SNCAIP: variants seen among roughly 807,000 people sequenced by gnomAD.
The protein encoded by SNCAIP is synuclein alpha interacting protein.
Under a neutral mutation model 86.7 loss-of-function variants are expected in SNCAIP, and 43 were observed. That is an observed-to-expected ratio of 0.50 (90% confidence interval 0.39 to 0.64). The LOEUF (loss-of-function observed/expected upper bound fraction) is 0.64, where lower values mean the gene tolerates loss of function less well. SNCAIP is among the 30% of genes least tolerant of loss of function. SNCAIP has a pLI of 0.00. For synonymous variants in SNCAIP, 417 were observed against 427.2 expected, an observed-to-expected ratio of 0.98 and a Z score of 0.29; for missense variants, 981 against 1,103.1, an observed-to-expected ratio of 0.89 and a Z score of 1.57.
At position 122,448,573 on chromosome 5, in the gene SNCAIP, TTCCA is replaced by T. The variant is rs555334099; in HGVS notation, c.1593-1270_1593-1267del. Among the ~76,000 whole-genome samples the T allele has an allele frequency of 7.4e-3, 1,066 of 144,064 alleles. 14 individuals carry two copies. The highest frequency in any genetic ancestry group is 0.026 in the African/African-American group (1,026 of 39,438). 94.5% of individuals were successfully genotyped at this position (144,064 alleles called of 152,430 possible). A position where few individuals can be genotyped will look rare whatever the true frequency, so the allele number is the denominator to read the frequency against. The stretch of plus-strand genomic sequence containing the variant: ...CCATATTTTTTATATATATATATCC[TTCCA>T]TATTTTATATATATTTTTATATATA... On this transcript the variant is annotated intron_variant, in intron 8 of 10. Transcript: ENST00000261368.
At chr5:122,411,693 T>G (rs974421393) in intron 3 of SNCAIP, among the ~76,000 whole-genome samples, 2 of 152,100 alleles carry the variant, frequency 1.3e-5, no homozygotes, top group Non-Finnish European at 2.9e-5. Context: ...CCCTTGCATC[T>G]CACCGTATGA....
chr5:122,444,632 G>A lies in SNCAIP; in HGVS notation c.1492G>A (p.Glu498Lys), dbSNP rs773517325. The change falls in exon 8 of 11, where the codon GAG (glutamate) becomes AAG (lysine). Residue 498 changes from glutamate (E) to lysine (K), a missense_variant. Physicochemically the swap from Glu to Lys is moderately conservative, Grantham distance 56 (BLOSUM62 1). Coordinates refer to ENST00000261368, the MANE Select transcript of SNCAIP (RefSeq NM_005460.4). ...HAGEKPSQSAERQGHTLCSRY... is the reference protein window; with the variant it reads ...HAGEKPSQSAKRQGHTLCSRY... Reference sequence around the variant, plus strand: ...TGGGGAAAAGCCCTCCCAGAGCGCCGAGCGGCAGGGGCACACCCTGTGCTC... The same window carrying A: ...TGGGGAAAAGCCCTCCCAGAGCGCCAAGCGGCAGGGGCACACCCTGTGCTC... 18 of 1,613,946 alleles carry A rather than the reference G, an allele frequency of 1.1e-5. No individual in the cohort carries two copies. The highest frequency in any genetic ancestry group is 3.3e-5 in the South Asian group (3 of 91,086).
chr5:122,428,208 C>G (rs538602943), intron 5 of SNCAIP, among the ~76,000 whole-genome samples: 1 of 152,090 alleles, frequency 6.6e-6, no homozygotes, highest in African/African-American at 2.4e-5. Flanking sequence ...CTGGATATAA[C>G]GTGACTTCAA....
intron 1 of SNCAIP, among the ~76,000 whole-genome samples, chr5:122,364,806 C>T (rs763921913): frequency 6.6e-6 from 1 of 152,094 alleles, no homozygotes; most frequent in Non-Finnish European, 1.5e-5. Flanking sequence ...CTTCTCCCCA[C>T]CTATGCCATT....
At chr5:122,380,117 A>G (rs1400497185) in intron 1 of SNCAIP, among the ~76,000 whole-genome samples, 5 of 152,098 alleles carry the variant, frequency 3.3e-5, no homozygotes, top group African/African-American at 1.2e-4. Context: ...AAGGAATGGT[A>G]CCAGCGCCTC....
intron 3 of SNCAIP, among the ~76,000 whole-genome samples, chr5:122,407,339 G>T (rs574566558): frequency 3.9e-5 from 6 of 152,324 alleles, no homozygotes; most frequent in African/African-American, 7.2e-5. Context: ...AATGAGCTTA[G>T]CAAGTATGAG....
At chr5:122,358,834 G>A (rs1317402082) in intron 1 of SNCAIP, among the ~76,000 whole-genome samples, 3 of 152,050 alleles carry the variant, frequency 2.0e-5, no homozygotes, top group Non-Finnish European at 2.9e-5. Flanking sequence ...GCACCCTCTC[G>A]CTTGCTTCAG....
intron 3 of SNCAIP, among the ~76,000 whole-genome samples, chr5:122,419,478 A>AGTC (rs1192635534): frequency 2.6e-5 from 4 of 152,220 alleles, no homozygotes; most frequent in Non-Finnish European, 5.9e-5. Context: ...TGGTGTAATC[A>AGTC]GATAGGCAGG....
At chr5:122,350,914 T>C (rs994218570) in intron 1 of SNCAIP, among the ~76,000 whole-genome samples, 1 of 152,208 alleles carries the variant, frequency 6.6e-6, no homozygotes, top group Non-Finnish European at 1.5e-5. Context: ...CCAAAGACCA[T>C]ATAAGGGCTA....
intron 7 of SNCAIP, among the ~76,000 whole-genome samples, chr5:122,441,769 TGAA>T (rs935220979): frequency 2.4e-4 from 37 of 152,156 alleles, no homozygotes; most frequent in Admixed American, 2.4e-3. Context: ...AGGGGATAGC[TGAA>T]GGAGGAGTAG....
At chr5:122,358,159 TTGTGTGTGTGTGTG>T (rs36222259) in intron 1 of SNCAIP, among the ~76,000 whole-genome samples, 16 of 138,088 alleles carry the variant, frequency 1.2e-4, no homozygotes, top group East Asian at 6.9e-4. Context: ...ATTTGTTTCT[TTGTGTGTGTGTGTG>T]TGTGTGTGTG....
intron 1 of SNCAIP, among the ~76,000 whole-genome samples, chr5:122,370,394 G>A (rs1328067065): frequency 6.6e-6 from 1 of 151,640 alleles, no homozygotes; most frequent in Non-Finnish European, 1.5e-5. Context: ...ATGTATGTAT[G>A]TAATACAATG....
chr5:122,427,260 A>G (rs901179167), intron 5 of SNCAIP, among the ~76,000 whole-genome samples: 3 of 152,184 alleles, frequency 2.0e-5, no homozygotes, highest in East Asian at 1.9e-4. Flanking sequence ...TGTTACGCCA[A>G]TCTTCAGCAT....
rs1776749154 is a variant in SNCAIP at position 122,423,248 on chromosome 5, G to GTGA, written c.512_514dup (p.Val171_Thr172insMet). ...TCAGCAGCTTGCCTCTTTTACCAAG[G>GTGA]TGACTTCAGAAAAAAGAATTTTGGG... is the stretch of plus-strand genomic sequence containing the variant. On this transcript the variant is annotated inframe_insertion, in exon 4 of 11. Transcript: ENST00000261368. 3.1e-6 allele frequency: 5 copies of GTGA among 1,614,182 alleles called. No homozygotes were observed. Among genetic ancestry groups the GTGA allele is most frequent in the East Asian group, 2.2e-5 (1 of 44,880 alleles).
intron 3 of SNCAIP, among the ~76,000 whole-genome samples, chr5:122,404,278 C>T (rs1393003976): frequency 2.6e-5 from 4 of 152,070 alleles, no homozygotes; most frequent in Non-Finnish European, 5.9e-5. Flanking sequence ...TTGCCAAAGT[C>T]GGAAACCCTA....
At chr5:122,433,312 A>G (rs1426992857) in intron 6 of SNCAIP, among the ~76,000 whole-genome samples, 1 of 152,128 alleles carries the variant, frequency 6.6e-6, no homozygotes, top group Non-Finnish European at 1.5e-5. Context: ...CATTTCATAG[A>G]TGAGGAAGGA....
intron 1 of SNCAIP, among the ~76,000 whole-genome samples, chr5:122,358,040 A>G (rs1761392583): frequency 6.6e-6 from 1 of 152,104 alleles, no homozygotes; most frequent in Admixed American, 6.6e-5. Context: ...GAATGAATGA[A>G]CAAGAGCCTT....
Position 122,463,674 on chromosome 5 carries a change from C to A in SNCAIP, c.*178C>A. ...AGAGAACCATGAAAACAATGCCTCACCAGCAGAAGAACAGAATATCAGGAT... is the reference window on the plus strand; with the variant it reads ...AGAGAACCATGAAAACAATGCCTCAACAGCAGAAGAACAGAATATCAGGAT... On this transcript the variant is annotated 3_prime_UTR_variant, in exon 11 of 11. Transcript: ENST00000261368. 5 of 618,404 alleles carry A rather than the reference C, an allele frequency of 8.1e-6. No individual in the cohort carries two copies. The highest frequency in any genetic ancestry group is 1.4e-5 in the Non-Finnish European group (5 of 353,492). 38.3% of individuals were successfully genotyped at this position (618,404 alleles called of 1,614,324 possible). A position where few individuals can be genotyped will look rare whatever the true frequency, so the allele number is the denominator to read the frequency against.
chr5:122,384,193 G>A (rs982883276), intron 1 of SNCAIP, among the ~76,000 whole-genome samples: 1 of 152,176 alleles, frequency 6.6e-6, no homozygotes, highest in African/African-American at 2.4e-5. Flanking sequence ...GCACTAGACT[G>A]GTTAGCAGGA....
Sources: gnomAD v4.1 joint callset for allele counts (sites outside exome capture counted in the v4.1 genomes callset) on GRCh38, gnomAD v4.1.1 for gene constraint, MANE v1.5 for transcripts, NCBI Gene and HGNC (gene_info 2026-07-23, HGNC 2026-07-21) for gene names.